Variants in MAD1L1 observed in about 807,000 individuals in gnomAD.
MAD1L1 encodes mitotic spindle assembly checkpoint protein MAD1.
In MAD1L1, 95 loss-of-function variants were observed where a neutral mutation model predicts 96.9. The observed-to-expected ratio is 0.98, with a 90% CI of 0.83 to 1.16. MAD1L1 has a LOEUF of 1.16. Ranked by LOEUF, MAD1L1 falls within the 50% of genes most tolerant of loss-of-function variation. The pLI, the probability that MAD1L1 is intolerant of heterozygous loss-of-function variation, is 0.00. For missense variants in MAD1L1, 1,007 were observed against 954.4 expected (o/e 1.06, Z -0.73); for synonymous variants, 473 against 396.6 (o/e 1.19, Z -2.29).
At chr7:1,930,872 A>G (rs199547528) in intron 17 of MAD1L1, among the ~76,000 whole-genome samples, 2 of 152,156 alleles carry the variant, frequency 1.3e-5, no homozygotes, top group East Asian at 3.9e-4. Context: ...CTCGTGACCC[A>G]GGAGACCCAC....
Position 2,142,789 on chromosome 7 carries a change from T to C in MAD1L1, c.1073+6363A>G, listed in dbSNP as rs888468941. The stretch of plus-strand genomic sequence containing the variant: ...CTTATGCCGAGAGCAGGTGGTCAGG[T>C]TGAGCATGAGACTTGCTGGGAACAC... On this transcript the variant is annotated intron_variant, in intron 11 of 18. Coordinates refer to ENST00000265854, the MANE Select transcript of MAD1L1 (RefSeq NM_001013836.2). This position sits in a 1 kb window ranked among gnomAD's most constrained non-coding sequence, Gnocchi z 4.7. Among the ~76,000 whole-genome samples, 3 of 152,296 alleles carry C rather than the reference T, an allele frequency of 2.0e-5. No homozygotes were observed. The highest frequency in any genetic ancestry group is 7.2e-5 in the African/African-American group (3 of 41,574).
At chr7:1,905,597 G>A (rs1787578807) in intron 17 of MAD1L1, among the ~76,000 whole-genome samples, 1 of 152,250 alleles carries the variant, frequency 6.6e-6, no homozygotes. Context: ...CGAGGACGCA[G>A]TAGCCTATGG....
At chr7:2,060,538 G>A (rs1270792921) in intron 12 of MAD1L1, among the ~76,000 whole-genome samples, 1 of 152,148 alleles carries the variant, frequency 6.6e-6, no homozygotes, top group Non-Finnish European at 1.5e-5. Context: ...CTAATGCCAA[G>A]ATAAGCTAAT....
At chr7:2,116,267 C>CTGTG (rs1358393765) in intron 11 of MAD1L1, among the ~76,000 whole-genome samples, 3 of 152,196 alleles carry the variant, frequency 2.0e-5, no homozygotes, top group African/African-American at 7.2e-5. Flanking sequence ...GGGCAGGCGG[C>CTGTG]TGTGTGTGTG....
chr7:1,862,734 G>C (rs997506192), intron 18 of MAD1L1, among the ~76,000 whole-genome samples: 2 of 152,078 alleles, frequency 1.3e-5, no homozygotes, highest in African/African-American at 4.8e-5. Context: ...AATAGGCCCA[G>C]TGAAAAAGGA....
At chr7:1,986,747 T>C (rs1482130334) in intron 14 of MAD1L1, among the ~76,000 whole-genome samples, 1 of 152,204 alleles carries the variant, frequency 6.6e-6, no homozygotes, top group African/African-American at 2.4e-5. Flanking sequence ...TCTTGTTATT[T>C]GTAGATGATT....
In MAD1L1 at chr7:2,221,770, A is replaced by C. The variant is rs915253303; in HGVS notation, c.471+805T>G. On this transcript the variant is annotated intron_variant, in intron 5 of 18. Coordinates refer to ENST00000265854, the MANE Select transcript of MAD1L1 (RefSeq NM_001013836.2). Reference sequence around the variant, plus strand: ...ATGCAAATCCAGACGTGCCTCCTTAAGCCTCCTGACAAAACAACAGCTATT... The same window carrying C: ...ATGCAAATCCAGACGTGCCTCCTTACGCCTCCTGACAAAACAACAGCTATT... Among the ~76,000 whole-genome samples the C allele has an allele frequency of 2.6e-5, 4 of 152,328 alleles. 1 individual carries two copies. The highest frequency in any genetic ancestry group is 2.6e-4 in the Admixed American group (4 of 15,304).
At chr7:2,092,438 C>T (rs1276865479) in intron 11 of MAD1L1, among the ~76,000 whole-genome samples, 1 of 152,074 alleles carries the variant, frequency 6.6e-6, no homozygotes, top group Non-Finnish European at 1.5e-5. Flanking sequence ...CATCCTCCCT[C>T]ACGCATCTGC....
intron 17 of MAD1L1, among the ~76,000 whole-genome samples, chr7:1,914,619 GGTTT>G (rs1350709926): frequency 1.1e-4 from 16 of 152,232 alleles, no homozygotes; most frequent in Admixed American, 7.2e-4. Context: ...TTGAGTTTTT[GGTTT>G]GTTTTTTTGA....
chr7:1,825,305 G>A (rs1782332788), intron 18 of MAD1L1, among the ~76,000 whole-genome samples: 1 of 152,174 alleles, frequency 6.6e-6, no homozygotes, highest in African/African-American at 2.4e-5. Context: ...CCCTCTGTGG[G>A]CTGCTGAGGC....
chr7:2,162,288 C>G (rs1296567916), intron 10 of MAD1L1, among the ~76,000 whole-genome samples: 71 of 150,626 alleles, frequency 4.7e-4, no homozygotes, highest in African/African-American at 1.6e-3. Context: ...ATAACCTTAC[C>G]CCCAACCCTG....
chr7:2,195,500 C>T (rs1213768368), intron 10 of MAD1L1, among the ~76,000 whole-genome samples: 8 of 152,162 alleles, frequency 5.3e-5, no homozygotes, highest in Non-Finnish European at 1.0e-4. Flanking sequence ...GTAAATAATT[C>T]CTATCAGCTC....
chr7:1,821,648 A>G (rs1782131785), intron 18 of MAD1L1, among the ~76,000 whole-genome samples: 3 of 152,278 alleles, frequency 2.0e-5, no homozygotes, highest in South Asian at 4.1e-4. Context: ...AAATCAATCA[A>G]TGTTATCCAC....
Position 2,207,072 on chromosome 7 carries a change from C to T in MAD1L1, c.986+6140G>A, listed in dbSNP as rs563313858. On this transcript the variant is annotated intron_variant, in intron 10 of 18. Transcript: ENST00000265854. ...CAGCCTGGGCGACAGAGTAAGATTC[C>T]GTCTCAAAAAAAAAAAAAAAAAAGA... Among the ~76,000 whole-genome samples, 30 of 143,734 alleles carry T rather than the reference C, an allele frequency of 2.1e-4. No individual in the cohort carries two copies. The South Asian group carries it at 6.5e-3, about 31-fold the overall frequency. The allele number at this position is 143,734 out of a possible 152,430, so 94.3% of individuals were successfully genotyped here.
intron 16 of MAD1L1, among the ~76,000 whole-genome samples, chr7:1,952,259 C>T (rs919893839): frequency 6.6e-6 from 1 of 152,188 alleles, no homozygotes; most frequent in African/African-American, 2.4e-5. Context: ...GGAAAGAAAA[C>T]GAGCACCATC....
At chr7:1,938,695 A>G (rs1277589451) in intron 16 of MAD1L1, among the ~76,000 whole-genome samples, 1 of 152,232 alleles carries the variant, frequency 6.6e-6, no homozygotes, top group Non-Finnish European at 1.5e-5. Context: ...GCTGATAAAC[A>G]TATGAAAAGG....
chr7:2,079,906 C>A, intron 11 of MAD1L1: 1 of 376,926 alleles, frequency 2.7e-6, no homozygotes, highest in Admixed American at 3.7e-5. Context: ...AAAAGAGAAG[C>A]CACAGAAGAT....
intron 18 of MAD1L1, among the ~76,000 whole-genome samples, chr7:1,842,188 G>A (rs1357950050): frequency 2.0e-5 from 3 of 152,114 alleles, no homozygotes; most frequent in African/African-American, 7.2e-5. Context: ...TACTCACAAA[G>A]GCTTTTAAAG....
intron 10 of MAD1L1, among the ~76,000 whole-genome samples, chr7:2,192,112 A>T (rs1791753473): frequency 6.6e-6 from 1 of 152,008 alleles, no homozygotes. Flanking sequence ...GTTAAATATA[A>T]ATCCATGGGG....
Sources: gnomAD v4.1 joint callset for allele counts (sites outside exome capture counted in the v4.1 genomes callset) on GRCh38, gnomAD v4.1.1 for gene constraint, Gnocchi (gnomAD v3.1) non-coding constraint, MANE v1.5 for transcripts, NCBI Gene and HGNC (gene_info 2026-07-23, HGNC 2026-07-21) for gene names.